The following BBX variants were observed in gnomAD, a reference collection of about 807,000 sequenced individuals.
The protein encoded by BBX is HMG box transcription factor BBX.
A neutral mutation model predicts 100.2 loss-of-function variants in BBX; 30 were observed. That is an observed-to-expected ratio of 0.30 (90% CI 0.22 to 0.41). BBX has a LOEUF of 0.41. Among genes scored for constraint, BBX ranks in the 10% least tolerant of loss-of-function variants. BBX has a pLI of 1.00. For missense variants in BBX, 1,023 were observed against 1,129.8 expected (o/e 0.91, Z 1.35); for synonymous variants, 376 against 388.1 (o/e 0.97, Z 0.37).
In BBX at chr3:107,801,287, T is replaced by C; in HGVS notation, c.2738+6T>C. ...GCCATGGAAAATGTGCACAGGTTAG[T>C]GGTAGAAGGTGGAAGGAGAAAGCAA... On this transcript the variant is annotated splice_donor_region_variant and intron_variant, in intron 17 of 17. Coordinates refer to ENST00000325805, the MANE Select transcript of BBX (RefSeq NM_001142568.3). 1.9e-6 allele frequency: 3 copies of C among 1,610,942 alleles called. No individual in the cohort carries two copies. Among genetic ancestry groups the C allele is most frequent in the Non-Finnish European group, 8.5e-7 (1 of 1,178,304 alleles).
chr3:107,726,501 C>T (rs1191216842), intron 5 of BBX, among the ~76,000 whole-genome samples: 1 of 152,032 alleles, frequency 6.6e-6, no homozygotes. Context: ...TGAACATCTA[C>T]ATTGAGTTTA....
intron 3 of BBX, chr3:107,659,683 C>T (rs2058342375): frequency 8.0e-7 from 1 of 1,247,848 alleles, no homozygotes; most frequent in African/African-American, 1.6e-5. Flanking sequence ...GTTCTCCTAA[C>T]CACACCACCA....
chr3:107,571,253 C>A (rs1465767238), intron 2 of BBX, among the ~76,000 whole-genome samples: 1 of 151,972 alleles, frequency 6.6e-6, no homozygotes, highest in Admixed American at 6.6e-5. Flanking sequence ...AGCAGGTGTC[C>A]CCGCAATTGA....
chr3:107,654,806 A>G (rs766922298), intron 3 of BBX, among the ~76,000 whole-genome samples: 1 of 152,214 alleles, frequency 6.6e-6, no homozygotes, highest in South Asian at 2.1e-4. Context: ...GGGATGTGGT[A>G]AAGTTACTTA....
chr3:107,744,772 C>G, intron 8 of BBX, 62 bp downstream of exon 8: 1 of 1,308,714 alleles, frequency 7.6e-7, no homozygotes, highest in South Asian at 1.2e-5. Flanking sequence ...TAAATTGGGG[C>G]TGATAACAGT....
chr3:107,749,747 C>A (rs1412068851), intron 9 of BBX, among the ~76,000 whole-genome samples: 1 of 151,940 alleles, frequency 6.6e-6, no homozygotes, highest in Non-Finnish European at 1.5e-5. Flanking sequence ...GATTCTCCTG[C>A]CTCAGCCTCC....
At chr3:107,713,666 A>G (rs969772861) in intron 4 of BBX, among the ~76,000 whole-genome samples, 1 of 152,232 alleles carries the variant, frequency 6.6e-6, no homozygotes, top group African/African-American at 2.4e-5. Context: ...TGTCAAATCA[A>G]ATGTTTTTAT....
intron 2 of BBX, among the ~76,000 whole-genome samples, chr3:107,566,222 C>G (rs2107498428): frequency 7.2e-6 from 1 of 138,756 alleles, no homozygotes; most frequent in East Asian, 2.4e-4. Context: ...TTGACCTAAT[C>G]ATGTCATTTT....
intron 2 of BBX, among the ~76,000 whole-genome samples, chr3:107,624,019 A>T (rs1012927390): frequency 1.3e-5 from 2 of 152,180 alleles, no homozygotes; most frequent in Admixed American, 6.5e-5. Flanking sequence ...ATCGCACTTT[A>T]TGAAAGAGAT....
rs569314127 is a variant in BBX, at chr3:107,741,428, C to G, written c.670-3202C>G. Reference sequence around the variant, plus strand: ...AAGAGAGGATTGAATTTGGGGAAATCAAATGAATATGTACTTAACAAAAAT... The same window carrying G: ...AAGAGAGGATTGAATTTGGGGAAATGAAATGAATATGTACTTAACAAAAAT... On this transcript the variant is annotated intron_variant, in intron 7 of 17. Transcript: ENST00000325805. Among the ~76,000 whole-genome samples, 4 of 152,188 alleles carry G rather than the reference C, an allele frequency of 2.6e-5. No homozygotes were observed. In the South Asian group the frequency reaches 8.3e-4, roughly 32 times the overall value.
chr3:107,592,360 CAAAAAAA>C (rs398052177), intron 2 of BBX, among the ~76,000 whole-genome samples: 2 of 74,884 alleles, frequency 2.7e-5, no homozygotes, highest in East Asian at 9.6e-4. Flanking sequence ...GACCCTGTCT[CAAAAAAA>C]AAAAAAAAAA....
At chr3:107,540,499 A>G (rs1229744817) in intron 2 of BBX, among the ~76,000 whole-genome samples, 3 of 152,200 alleles carry the variant, frequency 2.0e-5, no homozygotes, top group Admixed American at 6.5e-5. Flanking sequence ...GTGGATCAGC[A>G]TCAAGATCAG....
intron 15 of BBX, among the ~76,000 whole-genome samples, chr3:107,792,544 G>C (rs554533500): frequency 1.2e-4 from 18 of 152,282 alleles, no homozygotes; most frequent in Admixed American, 1.2e-3. Context: ...ATTTACATGA[G>C]CCACATCAGC....
chr3:107,644,537 T>C (rs1348442889), intron 2 of BBX, among the ~76,000 whole-genome samples: 1 of 152,220 alleles, frequency 6.6e-6, no homozygotes, highest in Non-Finnish European at 1.5e-5. Flanking sequence ...AAAAATGTTT[T>C]TGATATTTAT....
Position 107,772,965 on chromosome 3 carries a change from G to A in BBX, c.1244G>A (p.Ser415Asn). The change falls in exon 11 of 18, where the codon AGC becomes AAC. Residue 415 changes from serine (S) to asparagine (N), a missense_variant. Ser to Asn is a conservative substitution (Grantham distance 46, BLOSUM62 1). Transcript: ENST00000325805. ...HFPDFSYSASSKIIISDVPSR... is the reference protein window; with the variant it reads ...HFPDFSYSASNKIIISDVPSR... ...CCTGATTTTTCTTATTCTGCCAGTA[G>A]CAAGATAATAATTAGTGATGTTCCC... The A allele has an allele frequency of 6.2e-7, 1 of 1,613,196 alleles. No homozygotes were observed. Among genetic ancestry groups the A allele is most frequent in the African/African-American group, 1.3e-5 (1 of 74,964 alleles).
chr3:107,584,061 TATCATATATTATATA>T (rs1283262438), intron 2 of BBX, among the ~76,000 whole-genome samples: 1 of 30,206 alleles, frequency 3.3e-5, no homozygotes, highest in Non-Finnish European at 6.1e-5. Context: ...ATATTATATA[TATCATATATTATATA>T]TATTATATAT....
In BBX at chr3:107,773,303, A is replaced by G. The variant is rs765859562; in HGVS notation, c.1582A>G (p.Lys528Glu). The G allele has an allele frequency of 6.8e-6, 11 of 1,613,998 alleles. No homozygotes were observed. Among genetic ancestry groups the G allele is most frequent in the African/African-American group, 1.3e-5 (1 of 74,922 alleles). ...AAGCATTTTGGATGCCAAGCCACCA[A>G]AGAAAAAAGTGAAATCAAGAGAGAA... ...KGSILDAKPP[K>E]KKVKSREKKM... Residue 528 changes from lysine to glutamate, a missense_variant, in exon 11 of 18, where the codon AAG becomes GAG. Coordinates refer to ENST00000325805, the MANE Select transcript of BBX (RefSeq NM_001142568.3). This position sits in a 1 kb window ranked among gnomAD's most constrained non-coding sequence, Gnocchi z 4.1.
chr3:107,544,344 C>T lies in BBX; in HGVS notation c.-84+17946C>T, dbSNP rs181026660. ...AACACTTTACTGCATTTTGAAATGT[C>T]GTCACAGAGATACAGATCTGTGCTT... On this transcript the variant is annotated intron_variant, in intron 2 of 17. Coordinates refer to ENST00000325805, the MANE Select transcript of BBX (RefSeq NM_001142568.3). Among the ~76,000 whole-genome samples the T allele has an allele frequency of 3.3e-5, 5 of 152,202 alleles. No homozygotes were observed. The South Asian group carries it at 6.2e-4, about 19-fold the overall frequency.
chr3:107,689,023 C>G (rs1010071105), intron 3 of BBX, among the ~76,000 whole-genome samples: 11 of 152,166 alleles, frequency 7.2e-5, no homozygotes. Context: ...TGGTACACAG[C>G]AGACAACGAC....
Sources: gnomAD v4.1 joint callset for allele counts (sites outside exome capture counted in the v4.1 genomes callset) on GRCh38, gnomAD v4.1.1 for gene constraint, Gnocchi (gnomAD v3.1) non-coding constraint, MANE v1.5 for transcripts, NCBI Gene and HGNC (gene_info 2026-07-23, HGNC 2026-07-21) for gene names.